The following EZR variants were observed in gnomAD, a reference collection of about 807,000 sequenced individuals.
The protein encoded by EZR is ezrin.
EZR carries 40 observed loss-of-function variants against 74.8 expected under a neutral mutation model. That is an observed-to-expected ratio of 0.53 (90% CI 0.42 to 0.70). The LOEUF is 0.70. EZR is among the 30% of genes least tolerant of loss of function. The pLI, the probability that EZR is intolerant of heterozygous loss-of-function variation, is 0.00. For missense variants in EZR, 678 were observed against 755.8 expected, an observed-to-expected ratio of 0.90 and a Z score of 1.21; for synonymous variants, 341 against 283.3, an observed-to-expected ratio of 1.20 and a Z score of -2.05.
intron 8 of EZR, among the ~76,000 whole-genome samples, chr6:158,774,701 ACACACACACACACG>A (rs1251101865): frequency 3.5e-5 from 4 of 114,756 alleles, no homozygotes; most frequent in African/African-American, 1.2e-4. Context: ...ACACACACAC[ACACACACACACACG>A]CACAAACATT....
At chr6:158,800,936 CCTCTT>C (rs1483404859) in intron 2 of EZR, among the ~76,000 whole-genome samples, 2 of 152,170 alleles carry the variant, frequency 1.3e-5, no homozygotes, top group Non-Finnish European at 2.9e-5. Context: ...TTTTATATGA[CCTCTT>C]CTTTTAAGGT....
intron 2 of EZR, among the ~76,000 whole-genome samples, chr6:158,816,371 TATGAGAA>T (rs1477080089): frequency 1.3e-5 from 2 of 152,220 alleles, no homozygotes; most frequent in African/African-American, 2.4e-5. Flanking sequence ...TACCATTCAT[TATGAGAA>T]ATGAGAAAGA....
chr6:158,811,459 G>T (rs190282172), intron 2 of EZR, among the ~76,000 whole-genome samples: 1 of 152,232 alleles, frequency 6.6e-6, no homozygotes, highest in Admixed American at 6.5e-5. Context: ...TCTCCAAATT[G>T]TCAAAGAGAT....
At chr6:158,770,019 C>G (rs1274610519) in intron 10 of EZR, 75 bp from the exon 11 acceptor site, 1 of 1,572,454 alleles carries the variant, frequency 6.4e-7, no homozygotes, top group African/African-American at 1.3e-5. Context: ...CCATTCCCAC[C>G]CCCAAAGCCA....
intron 8 of EZR, among the ~76,000 whole-genome samples, chr6:158,773,814 C>T (rs989178457): frequency 1.3e-5 from 2 of 152,258 alleles, no homozygotes; most frequent in African/African-American, 4.8e-5. Context: ...TGCCTCAGAG[C>T]CTTCTGCCTT....
intron 2 of EZR, among the ~76,000 whole-genome samples, chr6:158,804,964 C>A (rs1461863268): frequency 7.4e-6 from 1 of 135,228 alleles, no homozygotes; most frequent in Non-Finnish European, 1.5e-5. Flanking sequence ...CTTCCTGTGT[C>A]CATGTGATCT....
chr6:158,814,018 G>A (rs529649000), intron 2 of EZR, among the ~76,000 whole-genome samples: 20 of 152,222 alleles, frequency 1.3e-4, no homozygotes, highest in Admixed American at 4.6e-4. Flanking sequence ...ATGAAGGGGC[G>A]GGCAGAGAGG....
intron 7 of EZR, among the ~76,000 whole-genome samples, chr6:158,777,335 C>G (rs1347207073): frequency 6.6e-6 from 1 of 152,226 alleles, no homozygotes; most frequent in African/African-American, 2.4e-5. Context: ...TCCAGGACAG[C>G]CTTCAAACTA....
intron 2 of EZR, among the ~76,000 whole-genome samples, chr6:158,799,159 C>T (rs1292309280): frequency 6.6e-6 from 1 of 152,118 alleles, no homozygotes. Context: ...ATATGGCCAG[C>T]TGTACCTTAT....
At position 158,771,257 on chromosome 6, in the gene EZR, T is replaced by G. The variant is rs2128566297; in HGVS notation, c.946A>C (p.Lys316Gln). The change falls in exon 9 of 14, where the codon AAG becomes CAG. Residue 316 changes from lysine (K) to glutamine (Q), a missense_variant. Lys to Gln is a moderately conservative substitution (Grantham distance 53). Transcript: ENST00000367075. ...KAQAREEKHQ[K>Q]QLERQQLETE... is the part of the protein sequence containing the mutation. Reference sequence around the variant, plus strand: ...TCACGCGCTCACCGCTCCAGCTGCTTCTGATGCTTCTCCTCCCGGGCCTGG... The same window carrying G: ...TCACGCGCTCACCGCTCCAGCTGCTGCTGATGCTTCTCCTCCCGGGCCTGG... The G allele has an allele frequency of 6.2e-7, 1 of 1,613,186 alleles. No individual in the cohort carries two copies. The highest frequency in any genetic ancestry group is 1.1e-5 in the South Asian group (1 of 90,978).
At chr6:158,811,431 A>T (rs1392004577) in intron 2 of EZR, among the ~76,000 whole-genome samples, 2 of 152,104 alleles carry the variant, frequency 1.3e-5, no homozygotes, top group African/African-American at 4.8e-5. Context: ...AAGCAGGTAT[A>T]TCAAACCACC....
chr6:158,780,725 T>C (rs540045594), intron 7 of EZR, among the ~76,000 whole-genome samples: 12 of 152,220 alleles, frequency 7.9e-5, no homozygotes, highest in Non-Finnish European at 1.6e-4. Flanking sequence ...AAAGATCAGG[T>C]TCCTCTAGTT....
intron 2 of EZR, among the ~76,000 whole-genome samples, chr6:158,799,166 T>C (rs1472341982): frequency 1.3e-5 from 2 of 152,106 alleles, no homozygotes; most frequent in East Asian, 3.9e-4. Context: ...CAGCTGTACC[T>C]TATATGCAGC....
At chr6:158,817,929 CAA>C (rs1397880565) in intron 2 of EZR, 151 bp downstream of exon 2, 10 of 591,236 alleles carry the variant, frequency 1.7e-5, no homozygotes, top group African/African-American at 3.9e-5. Flanking sequence ...CAACAAGTAA[CAA>C]AGAGCGGCGA....
At chr6:158,783,774 C>A in intron 6 of EZR, 108 bp from the exon 7 acceptor site, 1 of 1,227,912 alleles carries the variant, frequency 8.1e-7, no homozygotes, top group Non-Finnish European at 1.1e-6. Context: ...AGGATGGGCT[C>A]AATGCTGTGT....
rs770907545 is a variant in EZR, at chr6:158,767,487, A to T, written c.1370T>A (p.Val457Glu). The change falls in exon 13 of 14, where the codon GTG becomes GAG. Residue 457 changes from valine to glutamate, a missense_variant. This residue lies in a region of EZR where 342 missense variants were observed against 341.2 expected (regional missense o/e 1.00). Coordinates refer to ENST00000367075, the MANE Select transcript of EZR (RefSeq NM_001111077.2). ...HRAKEAQDDL[V>E]KTKEELHLVM... ...CAGGTGCAGCTCCTCCTTGGTCTTC[A>T]CCAGGTCATCCTGGGCTTCTTTGGC... 3.7e-5 allele frequency: 60 copies of T among 1,601,080 alleles called. No homozygotes were observed. Among genetic ancestry groups the T allele is most frequent in the Non-Finnish European group, 4.9e-5 (57 of 1,172,050 alleles).
chr6:158,818,412 C>T (rs1232469425), intron 1 of EZR, among the ~76,000 whole-genome samples: 1 of 149,978 alleles, frequency 6.7e-6, no homozygotes, highest in Non-Finnish European at 1.5e-5. Flanking sequence ...CCGGCGGGCA[C>T]TGGAGGTGCC....
intron 2 of EZR, 194 bp downstream of exon 2, chr6:158,817,888 A>G: frequency 2.2e-6 from 1 of 463,240 alleles, no homozygotes; most frequent in Non-Finnish European, 3.9e-6. Flanking sequence ...AAGCATCAAA[A>G]TGGTGTTTTC....
Position 158,767,220 on chromosome 6 carries a change from G to T in EZR, c.1596+41C>A, listed in dbSNP as rs764596599. On this transcript the variant is annotated intron_variant, in intron 13 of 13. Coordinates refer to ENST00000367075, the MANE Select transcript of EZR (RefSeq NM_001111077.2). ...CTCCCCAAGCCTGTCTGCTCCAAAA[G>T]CGAGGCAGGCTCCCTGGAGACAGAG... is the stretch of plus-strand genomic sequence containing the variant. The T allele has an allele frequency of 5.7e-6, 9 of 1,590,364 alleles. No individual in the cohort carries two copies. In the Admixed American group the frequency reaches 1.5e-4, roughly 27 times the overall value.
Sources: gnomAD v4.1 joint callset for allele counts (sites outside exome capture counted in the v4.1 genomes callset) on GRCh38, gnomAD v4.1.1 for gene constraint, gnomAD v4.1.1 regional missense constraint, MANE v1.5 for transcripts, NCBI Gene and HGNC (gene_info 2026-07-23, HGNC 2026-07-21) for gene names.